Variants in CABCOCO1 observed in about 807,000 individuals in gnomAD.
CABCOCO1 encodes ciliary-associated calcium-binding coiled-coil protein 1.
CABCOCO1 carries 28 observed loss-of-function variants against 35.7 expected under a neutral mutation model. That is an observed-to-expected ratio of 0.78 (90% CI 0.58 to 1.07). The LOEUF (loss-of-function observed/expected upper bound fraction) is 1.07, where lower values mean the gene tolerates loss of function less well. Among genes scored for constraint, CABCOCO1 ranks in the 50% least tolerant of loss-of-function variants. The probability of loss-of-function intolerance (pLI) is 0.00; values close to 1 mark genes in which losing one functional copy is unlikely to be tolerated. For synonymous variants in CABCOCO1, 95 were observed against 100.1 expected (o/e 0.95, Z 0.30); for missense variants, 326 against 309.2 (o/e 1.05, Z -0.41).
At chr10:61,677,820 T>G (rs1260528841) in intron 2 of CABCOCO1, among the ~76,000 whole-genome samples, 4 of 143,874 alleles carry the variant, frequency 2.8e-5, no homozygotes, top group Admixed American at 7.0e-5. Context: ...TGTTTTTTTT[T>G]TTTTTTTTTT....
At chr10:61,699,288 A>C (rs1259260864) in intron 5 of CABCOCO1, among the ~76,000 whole-genome samples, 1 of 152,176 alleles carries the variant, frequency 6.6e-6, no homozygotes, top group Non-Finnish European at 1.5e-5. Context: ...ACAGAAAAAT[A>C]ATCATCCCTC....
chr10:61,663,235 GC>G, intron 1 of CABCOCO1: 2 of 164,242 alleles, frequency 1.2e-5, no homozygotes. Flanking sequence ...GCAGCCCGGC[GC>G]CCCCCAGCCG....
At chr10:61,697,172 C>A (rs1299876296) in intron 5 of CABCOCO1, among the ~76,000 whole-genome samples, 2 of 152,008 alleles carry the variant, frequency 1.3e-5, no homozygotes, top group Non-Finnish European at 2.9e-5. Flanking sequence ...GACATATGTA[C>A]TCATATTATA....
At chr10:61,690,282 TC>T (rs1413243751) in intron 4 of CABCOCO1, among the ~76,000 whole-genome samples, 2 of 152,140 alleles carry the variant, frequency 1.3e-5, no homozygotes, top group Admixed American at 6.6e-5. Context: ...TCTCCCTTAT[TC>T]CTAACTTACC....
At chr10:61,732,583 A>G (rs1231317241) in intron 5 of CABCOCO1, among the ~76,000 whole-genome samples, 1 of 152,090 alleles carries the variant, frequency 6.6e-6, no homozygotes, top group Non-Finnish European at 1.5e-5. Flanking sequence ...TGAAAAATGA[A>G]AAGTTTCCTT....
intron 5 of CABCOCO1, among the ~76,000 whole-genome samples, chr10:61,716,145 T>C (rs1840860565): frequency 6.6e-6 from 1 of 152,214 alleles, no homozygotes; most frequent in African/African-American, 2.4e-5. Flanking sequence ...TATAATTTTT[T>C]AATATTCAAT....
In CABCOCO1 at chr10:61,686,062, A is replaced by T. The variant is rs1839949303; in HGVS notation, c.356A>T (p.Glu119Val). ...TCAGCACTACATATGTCCTTAGAGGAAAGCATAAAATGGCTTGGAGAAGTT... is the reference window on the plus strand; with the variant it reads ...TCAGCACTACATATGTCCTTAGAGGTAAGCATAAAATGGCTTGGAGAAGTT... ...NLKTLHMSLE[E>V]SIKWLGEVMA... The change falls in exon 4 of 8, where the codon GAA (glutamate) becomes GTA (valine). Residue 119 changes from glutamate to valine, a missense_variant. Glu to Val is a moderately radical substitution (Grantham distance 121). Transcript: ENST00000648843. 1 of 1,605,758 alleles carries T rather than the reference A, an allele frequency of 6.2e-7. No homozygotes were observed.
intron 1 of CABCOCO1, among the ~76,000 whole-genome samples, chr10:61,671,722 T>C (rs1839366535): frequency 6.6e-6 from 1 of 151,638 alleles, no homozygotes; most frequent in African/African-American, 2.4e-5. Context: ...CCTCTTTGTT[T>C]AACTCTTCCT....
intron 5 of CABCOCO1, among the ~76,000 whole-genome samples, chr10:61,724,155 A>G (rs1316747408): frequency 6.6e-6 from 1 of 152,230 alleles, no homozygotes; most frequent in African/African-American, 2.4e-5. Context: ...GAAAAAAATA[A>G]AGGAAGACTT....
rs1839949168 is a variant in CABCOCO1 at position 61,686,061 on chromosome 10, G to T, written c.355G>T (p.Glu119Ter). ...NLKTLHMSLE[E>*]SIKWLGEVMA... ...TTCAGCACTACATATGTCCTTAGAG[G>T]AAAGCATAAAATGGCTTGGAGAAGT... The change falls in exon 4 of 8, where the codon GAA becomes TAA. Residue 119 changes from glutamate (E) to a stop codon, truncating the protein, a stop_gained. Coordinates refer to ENST00000648843, the MANE Select transcript of CABCOCO1 (RefSeq NM_001366906.2). LOFTEE classifies it high-confidence loss of function. The T allele has an allele frequency of 5.0e-6, 8 of 1,605,398 alleles. No homozygotes were observed. In the South Asian group the frequency reaches 9.0e-5, roughly 18 times the overall value.
At chr10:61,747,935 C>A (rs1841698919) in intron 5 of CABCOCO1, among the ~76,000 whole-genome samples, 1 of 152,078 alleles carries the variant, frequency 6.6e-6, no homozygotes, top group Non-Finnish European at 1.5e-5. Context: ...TTTTCCTGGC[C>A]AGAATAACTC....
chr10:61,758,712 A>G (rs1841948102), intron 5 of CABCOCO1, among the ~76,000 whole-genome samples: 1 of 152,088 alleles, frequency 6.6e-6, no homozygotes, highest in Non-Finnish European at 1.5e-5. Flanking sequence ...ATTTGACCTT[A>G]GGCCAATCAT....
At chr10:61,711,371 C>A (rs1281844487) in intron 5 of CABCOCO1, among the ~76,000 whole-genome samples, 1 of 151,710 alleles carries the variant, frequency 6.6e-6, no homozygotes, top group African/African-American at 2.4e-5. Context: ...GCTGTCAGGG[C>A]AAATATGACC....
chr10:61,755,557 T>C (rs1841881407), intron 5 of CABCOCO1, among the ~76,000 whole-genome samples: 1 of 152,134 alleles, frequency 6.6e-6, no homozygotes, highest in African/African-American at 2.4e-5. Context: ...ATTTTGTCTA[T>C]GTGCCTATGG....
In CABCOCO1 at chr10:61,681,253, C is replaced by T. The variant is rs199658810; in HGVS notation, c.275C>T (p.Ser92Phe). 21 of 1,570,634 alleles carry T rather than the reference C, an allele frequency of 1.3e-5. No individual in the cohort carries two copies. The East Asian group carries it at 3.7e-4, about 28-fold the overall frequency. ...GFLWARGMDF[S>F]IIQYSKFMTL... ...TTGTGGGCTAGAGGAATGGATTTCT[C>T]TATTATTCAGTATTCAAAATTTATG... is the stretch of plus-strand genomic sequence containing the variant. The change falls in exon 3 of 8, where the codon TCT (serine) becomes TTT (phenylalanine). Residue 92 changes from serine (S) to phenylalanine (F), a missense_variant. Transcript: ENST00000648843.
intron 1 of CABCOCO1, among the ~76,000 whole-genome samples, chr10:61,666,316 T>C (rs10994865): frequency 0.39 from 59,395 of 152,128 alleles, 13,850 homozygotes; most frequent in Middle Eastern, 0.53. Context: ...CTCGAAATTA[T>C]GAATAATTCA....
chr10:61,754,861 C>T (rs555579666), intron 5 of CABCOCO1, among the ~76,000 whole-genome samples: 1 of 152,224 alleles, frequency 6.6e-6, no homozygotes, highest in African/African-American at 2.4e-5. Context: ...TTCAAACTAC[C>T]AGTATGCTGT....
At chr10:61,736,920 G>A (rs921645365) in intron 5 of CABCOCO1, among the ~76,000 whole-genome samples, 8 of 151,866 alleles carry the variant, frequency 5.3e-5, no homozygotes, top group African/African-American at 1.2e-4. Flanking sequence ...GAATGGGATC[G>A]CCTTTCTGAT....
chr10:61,663,551 T>C (rs1484349022), intron 1 of CABCOCO1, among the ~76,000 whole-genome samples: 1 of 152,162 alleles, frequency 6.6e-6, no homozygotes, highest in Non-Finnish European at 1.5e-5. Flanking sequence ...AGATTGGTGT[T>C]TCCATTATTT....
Sources: allele counts gnomAD v4.1 joint callset (sites outside exome capture counted in the v4.1 genomes callset), GRCh38; gene constraint gnomAD v4.1.1; transcripts MANE v1.5; gene names NCBI Gene and HGNC (gene_info 2026-07-23, HGNC 2026-07-21).